HEBP1: variants seen among roughly 807,000 people sequenced by gnomAD.
HEBP1 encodes heme binding protein 1, also known as heme-binding protein 1.
A neutral mutation model predicts 20.4 loss-of-function variants in HEBP1; 13 were observed. The observed-to-expected ratio is 0.64, with a 90% CI of 0.42 to 1.01. The LOEUF is 1.01. HEBP1 is among the 50% of genes least tolerant of loss of function. The pLI, the probability that HEBP1 is intolerant of heterozygous loss-of-function variation, is 0.00. For missense variants in HEBP1, 241 were observed against 247.3 expected, an observed-to-expected ratio of 0.97 and a Z score of 0.17; for synonymous variants, 92 against 90.7, an observed-to-expected ratio of 1.01 and a Z score of -0.08.
intron 1 of HEBP1, among the ~76,000 whole-genome samples, chr12:12,991,740 C>T (rs907646269): frequency 2.0e-5 from 3 of 152,130 alleles, no homozygotes; most frequent in African/African-American, 7.2e-5. Flanking sequence ...TAATGCTTTA[C>T]CCTTATGGAT....
chr12:12,975,143 T>A lies in HEBP1; in HGVS notation c.*165A>T. 1.6e-6 allele frequency: 1 copy of A among 609,454 alleles called. No individual in the cohort carries two copies. The highest frequency in any genetic ancestry group is 2.9e-6 in the Non-Finnish European group (1 of 345,822). 37.8% of individuals were successfully genotyped at this position (609,454 alleles called of 1,614,324 possible). A position where few individuals can be genotyped will look rare whatever the true frequency, so the allele number is the denominator to read the frequency against. On this transcript the variant is annotated 3_prime_UTR_variant, in exon 4 of 4. Transcript: ENST00000014930. Reference sequence around the variant, plus strand: ...TCCTACTGTGAGAAAAGAGACTTAGTATATGGAACATGCTTTTTTCAGAAA... The same window carrying A: ...TCCTACTGTGAGAAAAGAGACTTAGAATATGGAACATGCTTTTTTCAGAAA...
chr12:12,989,253 G>C (rs774012252), intron 2 of HEBP1, 24 bp downstream of exon 2: 78 of 1,612,772 alleles, frequency 4.8e-5, no homozygotes, highest in Non-Finnish European at 6.5e-5. Context: ...CGAGACCAGA[G>C]CCACATCCTG....
At position 13,000,138 on chromosome 12, in the gene HEBP1, G is replaced by T. The variant is rs1864336707; in HGVS notation, c.-24C>A. The stretch of plus-strand genomic sequence containing the variant: ...ATGTTGTAGCCGAGACGCTCCCGAC[G>T]CACGGGAGGACGTGAGGTGGCGGGG... On this transcript the variant is annotated 5_prime_UTR_variant, in exon 1 of 4. Coordinates refer to ENST00000014930, the MANE Select transcript of HEBP1 (RefSeq NM_015987.5). 3.2e-6 allele frequency: 5 copies of T among 1,570,500 alleles called. No individual in the cohort carries two copies. The highest frequency in any genetic ancestry group is 4.3e-6 in the Non-Finnish European group (5 of 1,150,940).
intron 2 of HEBP1, 78 bp from the exon 3 acceptor site, chr12:12,987,410 C>A: frequency 9.0e-7 from 1 of 1,117,008 alleles, no homozygotes. Flanking sequence ...ACATTAGTTC[C>A]ATTCGTCTTT....
intron 3 of HEBP1, among the ~76,000 whole-genome samples, chr12:12,979,196 T>G (rs1001769925): frequency 1.3e-5 from 2 of 151,920 alleles, no homozygotes; most frequent in African/African-American, 4.8e-5. Flanking sequence ...CAGCAGAGAG[T>G]GAGATGGAGA....
intron 3 of HEBP1, among the ~76,000 whole-genome samples, chr12:12,985,101 T>C (rs1412342856): frequency 6.7e-6 from 1 of 150,188 alleles, no homozygotes; most frequent in African/African-American, 2.5e-5. Flanking sequence ...TGAGCCAAGA[T>C]CGCACCACTG....
intron 3 of HEBP1, chr12:12,983,531 G>T (rs1864113236): frequency 2.8e-6 from 1 of 354,094 alleles, no homozygotes; most frequent in Admixed American, 3.6e-5. Context: ...TGCATTTGAA[G>T]TAGTACATTT....
rs553178563 is a variant in HEBP1 at position 12,993,179 on chromosome 12, C to T, written c.79-3764G>A. On this transcript the variant is annotated intron_variant, in intron 1 of 3. Coordinates refer to ENST00000014930, the MANE Select transcript of HEBP1 (RefSeq NM_015987.5). The stretch of plus-strand genomic sequence containing the variant: ...CCTTCCTTCCTTCCTCTCTCTCTCT[C>T]TCTTTCTTTCTCTTTCTTACAGGGT... Among the ~76,000 whole-genome samples, 50 of 118,006 alleles carry T rather than the reference C, an allele frequency of 4.2e-4. No individual in the cohort carries two copies. In the South Asian group the frequency reaches 0.015, roughly 35 times the overall value. The allele number at this position is 118,006 out of a possible 152,430, so 77.4% of individuals were successfully genotyped here.
rs1357835629 is a variant in HEBP1 at position 12,987,234 on chromosome 12, T to C, written c.316A>G (p.Asn106Asp). 2.5e-6 allele frequency: 4 copies of C among 1,613,978 alleles called. No individual in the cohort carries two copies. The African/African-American group carries it at 5.3e-5, about 22-fold the overall frequency. The change falls in exon 3 of 4, where the codon AAC (asparagine) becomes GAC (aspartate). Residue 106 changes from asparagine (N) to aspartate (D), a missense_variant. Physicochemically the swap from Asn to Asp is conservative, Grantham distance 23. Transcript: ENST00000014930. The part of the protein sequence containing the change: ...KKLKVWFRIP[N>D]QFQSDPPAPS... ...GCTGGTGGGTCGCTTTGAAATTGGT[T>C]TGGAATCCGGAACCAGACTTTTAAT...
chr12:12,976,369 C>T (rs1275954250), intron 3 of HEBP1, among the ~76,000 whole-genome samples: 1 of 152,260 alleles, frequency 6.6e-6, no homozygotes, highest in Non-Finnish European at 1.5e-5. Context: ...TTATTCTCTC[C>T]CTTACGTCAT....
Position 12,975,264 on chromosome 12 carries a change from A to T in HEBP1, c.*44T>A. 6.3e-7 allele frequency: 1 copy of T among 1,580,556 alleles called. No individual in the cohort carries two copies. The highest frequency in any genetic ancestry group is 8.7e-7 in the Non-Finnish European group (1 of 1,153,602). ...CCCCTCCTTACCCCCGAGGAAGGAG[A>T]CACAGAGGCACACTTCCAGTAAGTT... On this transcript the variant is annotated 3_prime_UTR_variant, in exon 4 of 4. Coordinates refer to ENST00000014930, the MANE Select transcript of HEBP1 (RefSeq NM_015987.5).
chr12:12,981,382 C>G (rs947715257), intron 3 of HEBP1, among the ~76,000 whole-genome samples: 3 of 152,094 alleles, frequency 2.0e-5, no homozygotes, highest in African/African-American at 7.2e-5. Flanking sequence ...TTGACCCGGG[C>G]ATCATCTACA....
In HEBP1 at chr12:12,987,280, T is replaced by G; in HGVS notation, c.270A>C (p.Glu90Asp). The G allele has an allele frequency of 6.2e-7, 1 of 1,614,152 alleles. No individual in the cohort carries two copies. The highest frequency in any genetic ancestry group is 8.5e-7 in the Non-Finnish European group (1 of 1,180,010). Reference sequence around the variant, plus strand: ...TTAATTTCTTCTGCAGAGAGCCATCTTCATTGGGGAACACAGCAAAGGAAA... The same window carrying G: ...TTAATTTCTTCTGCAGAGAGCCATCGTCATTGGGGAACACAGCAAAGGAAA... ...VPISFAVFPN[E>D]DGSLQKKLKV... is the part of the protein sequence containing the mutation. Residue 90 changes from glutamate to aspartate, a missense_variant, in exon 3 of 4, where the codon GAA (glutamate) becomes GAC (aspartate). Transcript: ENST00000014930.
chr12:12,996,438 A>G lies in HEBP1; in HGVS notation c.78+3599T>C, dbSNP rs1407142536. ...CTGAGCAATTAAGAAGGCACCTGAT[A>G]AGGTCTGCGGCAGCACTGGCCTCCC... is the stretch of plus-strand genomic sequence containing the variant. On this transcript the variant is annotated intron_variant, in intron 1 of 3. Coordinates refer to ENST00000014930, the MANE Select transcript of HEBP1 (RefSeq NM_015987.5). The surrounding 1 kb of genome is among the most constrained non-coding windows in gnomAD (Gnocchi z 4.1). Among the ~76,000 whole-genome samples the G allele has an allele frequency of 1.3e-5, 2 of 152,192 alleles. No individual in the cohort carries two copies. Among genetic ancestry groups the G allele is most frequent in the African/African-American group, 4.8e-5 (2 of 41,450 alleles).
chr12:13,000,136 ACGC>A lies in HEBP1; in HGVS notation c.-25_-23del. ...ACATGTTGTAGCCGAGACGCTCCCGACGCACGGGAGGACGTGAGGTGGCGGGGG... is the reference window on the plus strand; with the variant it reads ...ACATGTTGTAGCCGAGACGCTCCCGAACGGGAGGACGTGAGGTGGCGGGGG... On this transcript the variant is annotated 5_prime_UTR_variant, in exon 1 of 4. Coordinates refer to ENST00000014930, the MANE Select transcript of HEBP1 (RefSeq NM_015987.5). The A allele has an allele frequency of 6.3e-7, 1 of 1,577,902 alleles. No homozygotes were observed. Among genetic ancestry groups the A allele is most frequent in the Non-Finnish European group, 8.6e-7 (1 of 1,157,118 alleles).
chr12:12,985,075 G>T (rs1210613235), intron 3 of HEBP1, among the ~76,000 whole-genome samples: 1 of 151,468 alleles, frequency 6.6e-6, no homozygotes, highest in Non-Finnish European at 1.5e-5. Context: ...TTGAACCCAG[G>T]CAGCAGAGGT....
intron 1 of HEBP1, among the ~76,000 whole-genome samples, chr12:12,994,542 A>C (rs1408404256): frequency 6.6e-6 from 1 of 152,126 alleles, no homozygotes; most frequent in Non-Finnish European, 1.5e-5. Flanking sequence ...AGTCCACAGC[A>C]AGGAAAGAAA....
intron 1 of HEBP1, among the ~76,000 whole-genome samples, chr12:12,991,848 G>T (rs1864229181): frequency 6.6e-6 from 1 of 152,084 alleles, no homozygotes; most frequent in Non-Finnish European, 1.5e-5. Context: ...TTAGAAGAAG[G>T]AAAGTTGGTC....
chr12:12,985,656 T>C (rs912691682), intron 3 of HEBP1: 2 of 152,128 alleles, frequency 1.3e-5, no homozygotes, highest in Non-Finnish European at 2.9e-5. Context: ...TGCCAAAACC[T>C]GCTTCAGGTC....
Sources: allele counts gnomAD v4.1 joint callset (sites outside exome capture counted in the v4.1 genomes callset), GRCh38; gene constraint gnomAD v4.1.1; non-coding constraint Gnocchi (gnomAD v3.1); transcripts MANE v1.5; gene names NCBI Gene and HGNC (gene_info 2026-07-23, HGNC 2026-07-21).